Variants in STARD9 observed in about 807,000 individuals in gnomAD.
The protein encoded by STARD9 is StAR related lipid transfer domain containing 9, also known as stAR-related lipid transfer protein 9.
A neutral mutation model predicts 399.8 loss-of-function variants in STARD9; 346 were observed. The ratio of observed to expected loss-of-function variants is 0.87; its 90% confidence interval spans 0.79 to 0.95. The LOEUF (loss-of-function observed/expected upper bound fraction) is 0.95. STARD9 is among the 40% of genes least tolerant of loss of function. The pLI is 0.00. For synonymous variants in STARD9, 2,203 were observed against 2,143.5 expected (o/e 1.03, Z -0.77); for missense variants, 5,832 against 5,667.5 (o/e 1.03, Z -0.93).
rs2060499814 is a variant in STARD9, at chr15:42,684,369, A to T, written c.2791A>T (p.Ile931Phe). The T allele has an allele frequency of 3.9e-6, 6 of 1,536,904 alleles. No homozygotes were observed. The highest frequency in any genetic ancestry group is 5.2e-6 in the Non-Finnish European group (6 of 1,146,826). Residue 931 changes from isoleucine to phenylalanine, a missense_variant, in exon 23 of 33, where the codon ATC becomes TTC. Ile to Phe is a conservative substitution (Grantham distance 21, BLOSUM62 0). This residue lies in a region of STARD9 where 5,828 missense variants were observed against 5,651.1 expected (regional missense o/e 1.03). Transcript: ENST00000290607. ...CACCATGAGTCCCAACTCTGTTGGCATCCAGGAAATGGAGATGGGGGTTAA... is the reference window on the plus strand; with the variant it reads ...CACCATGAGTCCCAACTCTGTTGGCTTCCAGGAAATGGAGATGGGGGTTAA... ...CLTMSPNSVG[I>F]QEMEMGVKQP...
Position 42,688,105 on chromosome 15 carries a change from C to A in STARD9, c.6527C>A (p.Pro2176His). Residue 2176 changes from proline to histidine, a missense_variant, in exon 23 of 33, where the codon CCT becomes CAT. Transcript: ENST00000290607. ...EHTHPAGSDR[P>H]ARDICDSLGK... is the part of the protein sequence containing the mutation. ...ACCCACCCAGCTGGATCGGACAGAC[C>A]TGCCAGGGATATTTGTGATTCTTTA... 1 of 1,537,326 alleles carries A rather than the reference C, an allele frequency of 6.5e-7. No individual in the cohort carries two copies. The highest frequency in any genetic ancestry group is 8.7e-7 in the Non-Finnish European group (1 of 1,146,930).
Position 42,662,870 on chromosome 15 carries a change from G to A in STARD9, c.847G>A (p.Gly283Arg). The A allele has an allele frequency of 3.3e-6, 5 of 1,536,914 alleles. No individual in the cohort carries two copies. Among genetic ancestry groups the A allele is most frequent in the Non-Finnish European group, 4.4e-6 (5 of 1,146,442 alleles). ...ANINKSLVTL[G>R]IVISTLAQNS... ...TATCAACAAGTCCCTTGTGACTCTAGGAATTGTCATCTCCACCTTAGGTAT... is the reference window on the plus strand; with the variant it reads ...TATCAACAAGTCCCTTGTGACTCTAAGAATTGTCATCTCCACCTTAGGTAT... The change falls in exon 11 of 33, where the codon GGA becomes AGA. Residue 283 changes from glycine to arginine, a missense_variant. Gly to Arg is a moderately radical substitution (Grantham distance 125). Transcript: ENST00000290607.
intron 3 of STARD9, among the ~76,000 whole-genome samples, chr15:42,630,428 T>G (rs1054413538): frequency 2.6e-5 from 4 of 152,216 alleles, no homozygotes; most frequent in African/African-American, 9.6e-5. Flanking sequence ...TATGTGGTTT[T>G]GGTATCAGGG....
chr15:42,694,578 G>A lies in STARD9; in HGVS notation c.12815G>A (p.Gly4272Glu), dbSNP rs1356028941. The A allele has an allele frequency of 6.5e-7, 1 of 1,537,102 alleles. No individual in the cohort carries two copies. The highest frequency in any genetic ancestry group is 1.4e-5 in the African/African-American group (1 of 73,024). ...TLRRERAERL[G>E]NFCRTRSLSP... Reference sequence around the variant, plus strand: ...AGGAGAGAGCGGGCTGAGCGACTTGGGAACTTCTGCCGGACGCGAAGCCTT... The same window carrying A: ...AGGAGAGAGCGGGCTGAGCGACTTGAGAACTTCTGCCGGACGCGAAGCCTT... The change falls in exon 24 of 33, where the codon GGG becomes GAG. Residue 4272 changes from glycine (G) to glutamate (E), a missense_variant. Gly to Glu is a moderately conservative substitution (Grantham distance 98). Coordinates refer to ENST00000290607, the MANE Select transcript of STARD9 (RefSeq NM_020759.3).
chr15:42,702,180 A>C (rs1210415539), intron 26 of STARD9, among the ~76,000 whole-genome samples: 1 of 152,050 alleles, frequency 6.6e-6, no homozygotes, highest in Non-Finnish European at 1.5e-5. Context: ...CTTCCCAGTT[A>C]TAGAACAAAG....
intron 26 of STARD9, among the ~76,000 whole-genome samples, chr15:42,716,217 A>G (rs772453695): frequency 2.0e-5 from 3 of 152,128 alleles, no homozygotes; most frequent in Non-Finnish European, 4.4e-5. Context: ...TGGCTGCTGC[A>G]CCTGGGGTGG....
In STARD9 at chr15:42,689,135, C is replaced by T. The variant is rs745989219; in HGVS notation, c.7557C>T (p.Ser2519=). The T allele has an allele frequency of 5.9e-6, 9 of 1,537,144 alleles. No homozygotes were observed. Among genetic ancestry groups the T allele is most frequent in the South Asian group, 3.6e-5 (3 of 84,068 alleles). ...EKETEDVGLT[S]GVSLAPVSLP... ...AGACTGAGGACGTCGGACTGACCAG[C>T]GGTGTTTCCTTAGCACCTGTTTCCC... Residue 2519 remains serine, a synonymous_variant, in exon 23 of 33, where the codon AGC becomes AGT. Transcript: ENST00000290607.
At chr15:42,591,008 T>C (rs2058382135) in intron 3 of STARD9, among the ~76,000 whole-genome samples, 1 of 152,176 alleles carries the variant, frequency 6.6e-6, no homozygotes, top group Non-Finnish European at 1.5e-5. Context: ...AGCCTCTTAG[T>C]ATGTTAGAGT....
At chr15:42,588,871 G>A (rs938085132) in intron 3 of STARD9, among the ~76,000 whole-genome samples, 2 of 135,284 alleles carry the variant, frequency 1.5e-5, no homozygotes, top group Non-Finnish European at 3.0e-5. Context: ...CTGGAGTACA[G>A]TGGCTCAATC....
At chr15:42,699,658 G>A (rs1343598741) in intron 26 of STARD9, among the ~76,000 whole-genome samples, 1 of 151,794 alleles carries the variant, frequency 6.6e-6, no homozygotes, top group African/African-American at 2.4e-5. Context: ...CTCCCAAAAT[G>A]CTGGGATTAC....
rs573655223 is a variant in STARD9 at position 42,587,256 on chromosome 15, G to C, written c.234+1619G>C. ...TCTGCTATTGTAGACTTCTGAAGAT[G>C]ATTGAATATTTCTAAATCACAGATT... On this transcript the variant is annotated intron_variant, in intron 3 of 32. Transcript: ENST00000290607. Among the ~76,000 whole-genome samples the C allele has an allele frequency of 2.6e-5, 4 of 152,240 alleles. No homozygotes were observed. In the East Asian group the frequency reaches 7.7e-4, roughly 29 times the overall value.
At chr15:42,712,089 A>AAAAAATATAAAATATATAATATATAT (rs1566966023) in intron 26 of STARD9, among the ~76,000 whole-genome samples, 1 of 8,492 alleles carries the variant, frequency 1.2e-4, no homozygotes, top group African/African-American at 1.6e-3. Flanking sequence ...TATTATATAT[A>AAAAAATATAAAATATATAATATATAT]TATATATAAT....
intron 3 of STARD9, among the ~76,000 whole-genome samples, chr15:42,589,970 T>C (rs2141691422): frequency 6.8e-6 from 1 of 146,942 alleles, no homozygotes; most frequent in East Asian, 2.0e-4. Flanking sequence ...TTTTTTTTTT[T>C]TTTTTGTTGA....
At chr15:42,578,525 C>T (rs2058102296) in intron 1 of STARD9, among the ~76,000 whole-genome samples, 1 of 152,120 alleles carries the variant, frequency 6.6e-6, no homozygotes, top group South Asian at 2.1e-4. Context: ...TTGTCTACTC[C>T]AATTAACCAT....
intron 26 of STARD9, among the ~76,000 whole-genome samples, chr15:42,703,852 G>A (rs1442918952): frequency 6.6e-6 from 1 of 151,500 alleles, no homozygotes; most frequent in Non-Finnish European, 1.5e-5. Context: ...TGTTTGTTCA[G>A]TGTATTTCAC....
chr15:42,717,872 C>T lies in STARD9; in HGVS notation c.13559+77C>T, dbSNP rs2061378631. The stretch of plus-strand genomic sequence containing the variant: ...CCCTGCTTGGCTTCTCTCCTCCTTT[C>T]CCTTACCTGGATTCCTCAAGTCTTC... On this transcript the variant is annotated intron_variant, in intron 29 of 32. Coordinates refer to ENST00000290607, the MANE Select transcript of STARD9 (RefSeq NM_020759.3). The T allele has an allele frequency of 1.5e-5, 23 of 1,503,198 alleles. No homozygotes were observed. The Admixed American group carries it at 4.5e-4, about 30-fold the overall frequency. The allele number at this position is 1,503,198 out of a possible 1,614,324, so 93.1% of individuals were successfully genotyped here.
rs1206690632 is a variant in STARD9, at chr15:42,690,676, A to C, written c.9098A>C (p.Glu3033Ala). Residue 3033 changes from glutamate (E) to alanine (A), a missense_variant, in exon 23 of 33, where the codon GAA (glutamate) becomes GCA (alanine). Glu to Ala is a moderately radical substitution (Grantham distance 107). Coordinates refer to ENST00000290607, the MANE Select transcript of STARD9 (RefSeq NM_020759.3). ...CTTGAGCCCAAAGATGTTAACAGGG[A>C]ATTTAGGCTAACAGAGAGCAGCACT... Reference protein sequence around the residue: ...HGLEPKDVNREFRLTESSTCE... With the variant: ...HGLEPKDVNRAFRLTESSTCE... 6.5e-7 allele frequency: 1 copy of C among 1,537,190 alleles called. No individual in the cohort carries two copies.
intron 16 of STARD9, chr15:42,670,056 T>A (rs910119436): frequency 6.6e-6 from 1 of 151,668 alleles, no homozygotes; most frequent in African/African-American, 2.4e-5. Flanking sequence ...GTCTCAAAAA[T>A]AAATAAATAA....
At chr15:42,613,064 T>A (rs748178228) in intron 3 of STARD9, among the ~76,000 whole-genome samples, 1 of 151,812 alleles carries the variant, frequency 6.6e-6, no homozygotes, top group Non-Finnish European at 1.5e-5. Flanking sequence ...CAAAGCTAAC[T>A]TTTTCTGGTT....
Sources: allele counts gnomAD v4.1 joint callset (sites outside exome capture counted in the v4.1 genomes callset), GRCh38; gene constraint gnomAD v4.1.1; regional missense constraint gnomAD v4.1.1; transcripts MANE v1.5; gene names NCBI Gene and HGNC (gene_info 2026-07-23, HGNC 2026-07-21).